STXBP5: variants seen among roughly 807,000 people sequenced by gnomAD.
STXBP5 encodes the protein syntaxin binding protein 5, also known as syntaxin-binding protein 5.
In STXBP5, 50 loss-of-function variants were observed where a neutral mutation model predicts 152.4. The ratio of observed to expected loss-of-function variants is 0.33; its 90% confidence interval spans 0.26 to 0.42. The LOEUF (loss-of-function observed/expected upper bound fraction) is 0.42. STXBP5 is among the 10% of genes least tolerant of loss of function. STXBP5 has a pLI of 1.00. For missense variants in STXBP5, 1,167 were observed against 1,388.6 expected, an observed-to-expected ratio of 0.84 and a Z score of 2.54; for synonymous variants, 492 against 494.7, an observed-to-expected ratio of 0.99 and a Z score of 0.07.
At chr6:147,214,113 C>T (rs1483129404) in intron 2 of STXBP5, among the ~76,000 whole-genome samples, 1 of 152,106 alleles carries the variant, frequency 6.6e-6, no homozygotes, top group Non-Finnish European at 1.5e-5. Context: ...CTTAGACTTC[C>T]TGTAGAGACA....
At chr6:147,273,625 A>G (rs1780288528) in intron 7 of STXBP5, among the ~76,000 whole-genome samples, 1 of 152,164 alleles carries the variant, frequency 6.6e-6, no homozygotes, top group Non-Finnish European at 1.5e-5. Flanking sequence ...CTCTGGGCAC[A>G]TTTAAGTCTC....
chr6:147,356,913 CT>C (rs1186270497), intron 22 of STXBP5, among the ~76,000 whole-genome samples: 1 of 152,134 alleles, frequency 6.6e-6, no homozygotes, highest in Non-Finnish European at 1.5e-5. Context: ...GTAGAAGCTA[CT>C]GAGAATTTTA....
intron 5 of STXBP5, among the ~76,000 whole-genome samples, chr6:147,261,022 T>C (rs1012131986): frequency 3.9e-5 from 6 of 152,188 alleles, no homozygotes; most frequent in Non-Finnish European, 7.4e-5. Context: ...GAAACAGTCA[T>C]TCCTACTAAT....
chr6:147,285,782 C>CCTTT (rs1780931984), intron 8 of STXBP5, among the ~76,000 whole-genome samples: 1 of 152,094 alleles, frequency 6.6e-6, no homozygotes, highest in Admixed American at 6.5e-5. Flanking sequence ...TAGCAAATAC[C>CCTTT]ATCTAATGTC....
At chr6:147,301,030 CCAAT>C (rs1257855567) in intron 9 of STXBP5, among the ~76,000 whole-genome samples, 1 of 151,118 alleles carries the variant, frequency 6.6e-6, no homozygotes, top group Non-Finnish European at 1.5e-5. Flanking sequence ...ATACAAATGA[CCAAT>C]CAGGCATATG....
chr6:147,277,989 A>G (rs1194498654), intron 7 of STXBP5, 92 bp from the exon 8 acceptor site: 2 of 1,193,768 alleles, frequency 1.7e-6, no homozygotes, highest in Non-Finnish European at 2.3e-6. Context: ...AAATAAAGAA[A>G]AGTTAAAAAT....
rs757336851 is a variant in STXBP5 at position 147,359,315 on chromosome 6, C to T, written c.2537C>T (p.Ser846Phe). 1.4e-5 allele frequency: 23 copies of T among 1,613,118 alleles called. 1 individual carries two copies. In the South Asian group the frequency reaches 2.4e-4, roughly 17 times the overall value. ...AGACTTCTTCAGCCAGTAATTGTGT[C>T]TCCAAGTGGTATGTATTGCTGCTGC... ...EQRLLQPVIV[S>F]PSGTILRLKG... is the part of the protein sequence containing the mutation. The change falls in exon 23 of 28, where the codon TCT becomes TTT. Residue 846 changes from serine (S) to phenylalanine (F), a missense_variant. By Grantham distance (155) the Ser-to-Phe change is radical. Around this residue, in one of 3 missense-constraint regions of STXBP5, gnomAD observed 833 missense variants for 986.3 expected, o/e 0.84. Transcript: ENST00000321680.
At chr6:147,222,041 A>C (rs544258716) in intron 2 of STXBP5, among the ~76,000 whole-genome samples, 1 of 151,850 alleles carries the variant, frequency 6.6e-6, no homozygotes, top group African/African-American at 2.4e-5. Context: ...CCAGACTACT[A>C]TGGAGTCTGT....
At chr6:147,230,878 A>T (rs1777967353) in intron 2 of STXBP5, among the ~76,000 whole-genome samples, 1 of 151,834 alleles carries the variant, frequency 6.6e-6, no homozygotes, top group East Asian at 1.9e-4. Flanking sequence ...GATAATACAT[A>T]TGTAGTAGTA....
chr6:147,351,757 A>G, intron 21 of STXBP5: 2 of 603,512 alleles, frequency 3.3e-6, no homozygotes, highest in African/African-American at 4.0e-5. Context: ...TGAAAATTTG[A>G]TGTCCCTTCC....
chr6:147,321,125 CACAA>C (rs549078236), intron 16 of STXBP5, among the ~76,000 whole-genome samples: 275 of 152,118 alleles, frequency 1.8e-3, no homozygotes, highest in African/African-American at 5.9e-3. Context: ...TTTTAAAAAT[CACAA>C]ACAACTTATA....
At chr6:147,287,978 C>A (rs1183561238) in intron 8 of STXBP5, among the ~76,000 whole-genome samples, 1 of 151,476 alleles carries the variant, frequency 6.6e-6, no homozygotes, top group East Asian at 1.9e-4. Context: ...CCTGTTTGCT[C>A]AGGATCTCAA....
Position 147,247,052 on chromosome 6 carries a change from A to G in STXBP5, c.431+7782A>G, listed in dbSNP as rs1451079404. ...AGCTTGTAATTTGCTTAGTATGCAC[A>G]TTAGTGCATATATTAGTAAGACATA... On this transcript the variant is annotated intron_variant, in intron 4 of 27. Coordinates refer to ENST00000321680, the MANE Select transcript of STXBP5 (RefSeq NM_001127715.4). 1.3e-5 allele frequency among the ~76,000 whole-genome samples: 2 copies of G among 152,210 alleles called. 1 individual carries two copies. The highest frequency in any genetic ancestry group is 4.1e-4 in the South Asian group (2 of 4,834).
chr6:147,275,422 G>A (rs973824631), intron 7 of STXBP5, among the ~76,000 whole-genome samples: 3 of 150,552 alleles, frequency 2.0e-5, no homozygotes, highest in Non-Finnish European at 4.4e-5. Flanking sequence ...GTCCTCCATG[G>A]CTTTTGTATG....
At chr6:147,370,003 A>G (rs1002992331) in intron 25 of STXBP5, among the ~76,000 whole-genome samples, 13 of 152,074 alleles carry the variant, frequency 8.5e-5, no homozygotes, top group African/African-American at 2.9e-4. Context: ...GAAACCACCC[A>G]GATGTCCTCA....
At chr6:147,286,737 C>A (rs541479294) in intron 8 of STXBP5, among the ~76,000 whole-genome samples, 3 of 151,888 alleles carry the variant, frequency 2.0e-5, no homozygotes, top group African/African-American at 7.3e-5. Context: ...ACCAAAAAGA[C>A]GGATAGTTTT....
intron 26 of STXBP5, 88 bp from the exon 27 acceptor site, chr6:147,382,690 C>A: frequency 1.5e-6 from 2 of 1,368,470 alleles, no homozygotes; most frequent in South Asian, 2.7e-5. Flanking sequence ...ACCACTCAAT[C>A]CAAAAATTGT....
chr6:147,205,592 G>C (rs1227423853), intron 1 of STXBP5, among the ~76,000 whole-genome samples: 1 of 152,064 alleles, frequency 6.6e-6, no homozygotes, highest in Non-Finnish European at 1.5e-5. Context: ...ATAAAGTAAT[G>C]ATGAAATGAA....
At chr6:147,215,020 A>G (rs2115052910) in intron 2 of STXBP5, among the ~76,000 whole-genome samples, 1 of 152,320 alleles carries the variant, frequency 6.6e-6, no homozygotes, top group Middle Eastern at 3.4e-3. Flanking sequence ...GAGTCAGTGA[A>G]CATTTCCTGT....
Sources: allele counts gnomAD v4.1 joint callset (sites outside exome capture counted in the v4.1 genomes callset), GRCh38; gene constraint gnomAD v4.1.1; regional missense constraint gnomAD v4.1.1; transcripts MANE v1.5; gene names NCBI Gene and HGNC (gene_info 2026-07-23, HGNC 2026-07-21).